NOS1: variants seen among roughly 807,000 people sequenced by gnomAD.
The protein encoded by NOS1 is nitric oxide synthase 1, also known as NOS type I.
Under a neutral mutation model 164.5 loss-of-function variants are expected in NOS1, and 51 were observed. That is an observed-to-expected ratio of 0.31 (90% CI 0.25 to 0.39). NOS1 has a LOEUF of 0.39. Among genes scored for constraint, NOS1 ranks in the 10% least tolerant of loss-of-function variants. The pLI is 1.00. For missense variants in NOS1, 1,362 were observed against 1,885.6 expected (o/e 0.72, Z 5.14); for synonymous variants, 719 against 745.8 (o/e 0.96, Z 0.59).
At chr12:117,318,396 T>C (rs2084069037) in intron 2 of NOS1, among the ~76,000 whole-genome samples, 1 of 152,142 alleles carries the variant, frequency 6.6e-6, no homozygotes, top group Admixed American at 6.5e-5. Flanking sequence ...ACTCCCATCC[T>C]CCTATAAGGC....
At chr12:117,309,003 G>A (rs1026615463) in intron 3 of NOS1, among the ~76,000 whole-genome samples, 14 of 152,106 alleles carry the variant, frequency 9.2e-5, no homozygotes, top group African/African-American at 2.4e-4. Flanking sequence ...AATACAATAC[G>A]GGGTAGACCT....
intron 9 of NOS1, among the ~76,000 whole-genome samples, chr12:117,274,204 A>C (rs528126936): frequency 6.6e-6 from 1 of 152,312 alleles, no homozygotes; most frequent in South Asian, 2.1e-4. Context: ...CAACAAATAC[A>C]GGAAGAAATG....
intron 3 of NOS1, among the ~76,000 whole-genome samples, chr12:117,295,663 G>A (rs1257964423): frequency 7.7e-5 from 11 of 143,116 alleles, no homozygotes; most frequent in Admixed American, 3.8e-4. Context: ...TGTCGCCCAG[G>A]CTGAAGTGCA....
Position 117,330,858 on chromosome 12 carries a change from G to T in NOS1, c.212C>A (p.Pro71His). The change falls in exon 2 of 29, where the codon CCC becomes CAC. Residue 71 changes from proline to histidine, a missense_variant. Physicochemically the swap from Pro to His is moderately conservative, Grantham distance 77. Transcript: ENST00000317775. This position sits in a 1 kb window ranked among gnomAD's most constrained non-coding sequence, Gnocchi z 4.6. ...GDIILAVNGR[P>H]LVDLSYDSAL... Reference sequence around the variant, plus strand: ...GCTGTCATAGCTCAGGTCCACCAAGGGCCGGCCGTTGACCGCAAGAATGAT... The same window carrying T: ...GCTGTCATAGCTCAGGTCCACCAAGTGCCGGCCGTTGACCGCAAGAATGAT... 6.2e-7 allele frequency: 1 copy of T among 1,614,110 alleles called. No individual in the cohort carries two copies. The highest frequency in any genetic ancestry group is 1.1e-5 in the South Asian group (1 of 91,076).
Position 117,232,094 on chromosome 12 carries a change from C to A in NOS1, c.3273G>T (p.Pro1091=), listed in dbSNP as rs1004551488. 1.2e-6 allele frequency: 2 copies of A among 1,611,978 alleles called. No homozygotes were observed. Among genetic ancestry groups the A allele is most frequent in the Non-Finnish European group, 1.7e-6 (2 of 1,179,898 alleles). ...ISNWTDELRL[P]PCTIFQAFKY... is the part of the protein sequence containing the mutation. Reference sequence around the variant, plus strand: ...TGAAGGCCTGGAAGATGGTGCAGGGCGGGAGGCGGAGCTCGTCTGTCCAGT... The same window carrying A: ...TGAAGGCCTGGAAGATGGTGCAGGGAGGGAGGCGGAGCTCGTCTGTCCAGT... The change falls in exon 22 of 29, where the codon CCG becomes CCT. Residue 1091 remains proline (P), a synonymous_variant. Transcript: ENST00000317775.
chr12:117,260,379 C>G (rs1055884779), intron 14 of NOS1, 86 bp downstream of exon 14: 2 of 1,501,004 alleles, frequency 1.3e-6, no homozygotes, highest in African/African-American at 2.8e-5. Flanking sequence ...TTGCCAAAGG[C>G]TTCTTCTCTG....
chr12:117,318,570 C>G (rs1297744481), intron 2 of NOS1, among the ~76,000 whole-genome samples: 1 of 152,338 alleles, frequency 6.6e-6, no homozygotes. Context: ...CCAGATCCTT[C>G]CAACTGAGGC....
intron 23 of NOS1, 115 bp downstream of exon 23, chr12:117,227,316 T>G: frequency 3.9e-5 from 37 of 957,278 alleles, no homozygotes; most frequent in Middle Eastern, 3.2e-4. Flanking sequence ...GTCTTGGGGA[T>G]GAGTTTCTTC....
intron 16 of NOS1, among the ~76,000 whole-genome samples, chr12:117,256,284 G>GTTGTTTTTTTTTTTTTTT (rs549611283): frequency 8.4e-6 from 1 of 118,488 alleles, no homozygotes; most frequent in African/African-American, 3.8e-5. Context: ...GGGATTTTCT[G>GTTGTTTTTTTTTTTTTTT]TTTTTTTTTT....
intron 3 of NOS1, among the ~76,000 whole-genome samples, chr12:117,305,580 T>A (rs559875428): frequency 5.6e-4 from 86 of 152,242 alleles, no homozygotes; most frequent in African/African-American, 2.0e-3. Flanking sequence ...GTGTTTTCTA[T>A]TAATTTGCTC....
chr12:117,284,234 C>T (rs2136016454), intron 7 of NOS1, among the ~76,000 whole-genome samples: 1 of 152,316 alleles, frequency 6.6e-6, no homozygotes, highest in Non-Finnish European at 1.5e-5. Flanking sequence ...CAAGATGGGG[C>T]TAGTGCTCAG....
intron 1 of NOS1, among the ~76,000 whole-genome samples, chr12:117,357,348 G>A (rs369864598): frequency 2.6e-3 from 392 of 152,304 alleles, no homozygotes; most frequent in African/African-American, 9.0e-3. Context: ...GCAAGGTCAA[G>A]GTGGGAGGAA....
At chr12:117,235,521 G>C (rs1480568555) in intron 20 of NOS1, among the ~76,000 whole-genome samples, 3 of 152,004 alleles carry the variant, frequency 2.0e-5, no homozygotes, top group African/African-American at 7.3e-5. Flanking sequence ...TATTGTTATG[G>C]TAAAGGAAAA....
chr12:117,224,748 C>T (rs901618234), intron 25 of NOS1, among the ~76,000 whole-genome samples: 1 of 152,216 alleles, frequency 6.6e-6, no homozygotes, highest in African/African-American at 2.4e-5. Flanking sequence ...CCTATCTTTT[C>T]CAGGCTACTG....
At chr12:117,325,586 C>T (rs370487992) in intron 2 of NOS1, among the ~76,000 whole-genome samples, 2 of 152,150 alleles carry the variant, frequency 1.3e-5, no homozygotes, top group Non-Finnish European at 2.9e-5. Context: ...CTTATATTCC[C>T]GGGCTGAGAT....
At chr12:117,317,384 T>C (rs1258457779) in intron 2 of NOS1, among the ~76,000 whole-genome samples, 1 of 150,342 alleles carries the variant, frequency 6.7e-6, no homozygotes, top group Non-Finnish European at 1.5e-5. Context: ...GGCCTGATAA[T>C]TTCTTGTTGC....
intron 1 of NOS1, among the ~76,000 whole-genome samples, chr12:117,350,081 T>A (rs1593042788): frequency 6.6e-6 from 1 of 151,998 alleles, no homozygotes; most frequent in Non-Finnish European, 1.5e-5. Context: ...CACTTCAGAG[T>A]TTTTTTCTAC....
Position 117,211,378 on chromosome 12 carries a change from T to C in NOS1, c.*3931A>G. 1 of 985,530 alleles carries C rather than the reference T, an allele frequency of 1.0e-6. No homozygotes were observed. The highest frequency in any genetic ancestry group is 1.2e-6 in the Non-Finnish European group (1 of 830,046). 61.0% of individuals were successfully genotyped at this position (985,530 alleles called of 1,614,324 possible). A position where few individuals can be genotyped will look rare whatever the true frequency, so the allele number is the denominator to read the frequency against. ...ATCCGCCTCTTCCCTCACTCAAGCCTTGGTTGCAGCAATAACCCCCCCAAC... is the reference window on the plus strand; with the variant it reads ...ATCCGCCTCTTCCCTCACTCAAGCCCTGGTTGCAGCAATAACCCCCCCAAC... On this transcript the variant is annotated 3_prime_UTR_variant, in exon 29 of 29. Coordinates refer to ENST00000317775, the MANE Select transcript of NOS1 (RefSeq NM_000620.5).
rs10774907 is a variant in NOS1, at chr12:117,209,598, G to A, written c.*5711C>T. 0.31 allele frequency: 307,392 copies of A among 985,350 alleles called. 58,381 individuals are homozygous for A. Among genetic ancestry groups the A allele is most frequent in the African/African-American group, 0.87 (50,008 of 57,356 alleles). The allele number at this position is 985,350 out of a possible 1,614,324, so 61.0% of individuals were successfully genotyped here. ...GCCCCGCTTGACCAGAACTGTTTGG[G>A]TATTTTAGAACAAAACAAACTCATA... On this transcript the variant is annotated 3_prime_UTR_variant, in exon 29 of 29. Transcript: ENST00000317775.
Sources: gnomAD v4.1 joint callset for allele counts (sites outside exome capture counted in the v4.1 genomes callset) on GRCh38, gnomAD v4.1.1 for gene constraint, Gnocchi (gnomAD v3.1) non-coding constraint, MANE v1.5 for transcripts, NCBI Gene and HGNC (gene_info 2026-07-23, HGNC 2026-07-21) for gene names.